SDCCAG8: variants seen among roughly 807,000 people sequenced by gnomAD.
SDCCAG8 encodes serologically defined colon cancer antigen 8.
In SDCCAG8, 74 loss-of-function variants were observed where a neutral mutation model predicts 101.8. That is an observed-to-expected ratio of 0.73 (90% CI 0.60 to 0.88). SDCCAG8 has a LOEUF of 0.88. SDCCAG8 is among the 40% of genes least tolerant of loss of function. SDCCAG8 has a pLI of 0.00. For synonymous variants in SDCCAG8, 281 were observed against 292.9 expected, an observed-to-expected ratio of 0.96 and a Z score of 0.41; for missense variants, 787 against 822.6, an observed-to-expected ratio of 0.96 and a Z score of 0.53.
chr1:243,362,933 G>C (rs779343617), intron 12 of SDCCAG8, among the ~76,000 whole-genome samples: 2 of 152,200 alleles, frequency 1.3e-5, no homozygotes, highest in Non-Finnish European at 2.9e-5. Context: ...GGTGAATATA[G>C]ACATTTGCAT....
chr1:243,433,773 A>G (rs1264301393), intron 16 of SDCCAG8, among the ~76,000 whole-genome samples: 1 of 152,176 alleles, frequency 6.6e-6, no homozygotes, highest in Non-Finnish European at 1.5e-5. Context: ...CTGGGTAGTG[A>G]TGACCAGAAG....
intron 9 of SDCCAG8, 62 bp downstream of exon 9, chr1:243,316,955 A>G (rs2073302868): frequency 6.5e-7 from 1 of 1,530,642 alleles, no homozygotes. Flanking sequence ...TCTTCTGAGT[A>G]TTTATTTGGT....
intron 1 of SDCCAG8, among the ~76,000 whole-genome samples, chr1:243,258,930 A>G (rs1484984585): frequency 6.6e-6 from 1 of 152,192 alleles, no homozygotes; most frequent in Non-Finnish European, 1.5e-5. Context: ...GTTTATGATT[A>G]ATGGAAGCCT....
intron 16 of SDCCAG8, among the ~76,000 whole-genome samples, chr1:243,481,049 AGGTGG>A (rs1239637475): frequency 6.6e-6 from 1 of 152,020 alleles, no homozygotes; most frequent in Non-Finnish European, 1.5e-5. Flanking sequence ...CCAGTGTGTC[AGGTGG>A]TGAGTTTGAG....
rs572885300 is a variant in SDCCAG8, at chr1:243,359,279, AC to A, written c.1473+14949del. ...ATACAGATGAACAGGCTTGCTCCAT[AC>A]TGTTCTACAGGCTGTGCACTGCACA... is the stretch of plus-strand genomic sequence containing the variant. On this transcript the variant is annotated intron_variant, in intron 12 of 17. Transcript: ENST00000366541. 1.3e-3 allele frequency among the ~76,000 whole-genome samples: 205 copies of A among 152,286 alleles called. 1 individual carries two copies. The highest frequency in any genetic ancestry group is 2.3e-3 in the Non-Finnish European group (154 of 68,016).
chr1:243,275,251 T>A (rs1380634027), intron 4 of SDCCAG8, among the ~76,000 whole-genome samples: 4 of 152,184 alleles, frequency 2.6e-5, no homozygotes, highest in African/African-American at 9.7e-5. Flanking sequence ...TCCCGAAGTA[T>A]GTCGTGTTTT....
chr1:243,353,525 A>AAAAAAAAT (rs2076219360), intron 12 of SDCCAG8, among the ~76,000 whole-genome samples: 1 of 133,660 alleles, frequency 7.5e-6, no homozygotes, highest in Non-Finnish European at 1.6e-5. Flanking sequence ...AAAAAAAAAG[A>AAAAAAAAT]ATGTTGCCCA....
intron 16 of SDCCAG8, among the ~76,000 whole-genome samples, chr1:243,452,395 C>G (rs1012450128): frequency 6.6e-6 from 1 of 150,808 alleles, no homozygotes; most frequent in African/African-American, 2.4e-5. Flanking sequence ...TTCTCCCTAC[C>G]CTTGAGATGA....
intron 6 of SDCCAG8, among the ~76,000 whole-genome samples, chr1:243,300,895 A>T (rs1157778369): frequency 6.6e-6 from 1 of 152,206 alleles, no homozygotes; most frequent in Non-Finnish European, 1.5e-5. Context: ...GAAATGTACC[A>T]GAATTTTTTT....
At chr1:243,282,912 T>C (rs2069190832) in intron 4 of SDCCAG8, among the ~76,000 whole-genome samples, 1 of 152,114 alleles carries the variant, frequency 6.6e-6, no homozygotes, top group South Asian at 2.1e-4. Context: ...AGTGGCGAGG[T>C]CTTGGCTCAC....
chr1:243,476,441 T>C, intron 16 of SDCCAG8: 3 of 829,176 alleles, frequency 3.6e-6, no homozygotes, highest in Non-Finnish European at 4.4e-6. Context: ...TGTGGCTAGT[T>C]TGACTATCCC....
At chr1:243,426,695 A>G in intron 16 of SDCCAG8, 137 bp downstream of exon 16, 1 of 1,053,802 alleles carries the variant, frequency 9.5e-7, no homozygotes, top group Non-Finnish European at 1.4e-6. Flanking sequence ...CTAATACTTT[A>G]TTTTATGTAT....
intron 12 of SDCCAG8, among the ~76,000 whole-genome samples, chr1:243,372,737 A>T (rs1408004492): frequency 6.6e-6 from 1 of 151,614 alleles, no homozygotes; most frequent in Non-Finnish European, 1.5e-5. Flanking sequence ...GCTAATGCCT[A>T]TAATCCCAAC....
chr1:243,475,170 C>A (rs1662151461), intron 16 of SDCCAG8, among the ~76,000 whole-genome samples: 2 of 152,224 alleles, frequency 1.3e-5, no homozygotes, highest in South Asian at 4.1e-4. Flanking sequence ...AGCCCCTCTC[C>A]TGTTGTCATT....
chr1:243,301,585 A>G (rs2071508077), intron 6 of SDCCAG8, among the ~76,000 whole-genome samples: 1 of 152,206 alleles, frequency 6.6e-6, no homozygotes, highest in African/African-American at 2.4e-5. Flanking sequence ...TATAAGGACC[A>G]TTGTACAAAA....
chr1:243,302,170 C>T (rs2071579050), intron 6 of SDCCAG8, among the ~76,000 whole-genome samples: 1 of 152,116 alleles, frequency 6.6e-6, no homozygotes, highest in Non-Finnish European at 1.5e-5. Flanking sequence ...ATCACTTGAA[C>T]CCAGGAGGTG....
At chr1:243,302,751 C>G (rs766113689) in intron 6 of SDCCAG8, among the ~76,000 whole-genome samples, 4 of 152,312 alleles carry the variant, frequency 2.6e-5, no homozygotes, top group African/African-American at 7.2e-5. Context: ...CACAATGTCT[C>G]TAATTCAGCC....
At chr1:243,307,401 A>T in intron 7 of SDCCAG8, 1 of 982,676 alleles carries the variant, frequency 1.0e-6, no homozygotes, top group Non-Finnish European at 1.2e-6. Context: ...CTTTCTTTTG[A>T]AACAGATCTT....
intron 12 of SDCCAG8, among the ~76,000 whole-genome samples, chr1:243,344,902 G>A (rs1299746605): frequency 6.6e-6 from 1 of 152,126 alleles, no homozygotes; most frequent in African/African-American, 2.4e-5. Flanking sequence ...TATCTTTATT[G>A]AGATGAAGTA....
Sources: allele counts gnomAD v4.1 joint callset (sites outside exome capture counted in the v4.1 genomes callset), GRCh38; gene constraint gnomAD v4.1.1; transcripts MANE v1.5; gene names NCBI Gene and HGNC (gene_info 2026-07-23, HGNC 2026-07-21).